Variants in ST3GAL4 observed in about 807,000 individuals in gnomAD.
ST3GAL4 encodes ST3 beta-galactoside alpha-2,3-sialyltransferase 4, also known as CMP-N-acetylneuraminate-beta-galactosamide-alpha-2,3-sialyltransferase 4.
In ST3GAL4, 24 loss-of-function variants were observed where a neutral mutation model predicts 42.6. The observed-to-expected ratio is 0.56, with a 90% CI of 0.41 to 0.79. ST3GAL4 has a LOEUF of 0.79. ST3GAL4 is among the 30% of genes least tolerant of loss of function. The pLI is 0.00. For missense variants in ST3GAL4, 311 were observed against 430.8 expected, an observed-to-expected ratio of 0.72 and a Z score of 2.46; for synonymous variants, 135 against 163.2, an observed-to-expected ratio of 0.83 and a Z score of 1.32.
chr11:126,386,247 C>G lies in ST3GAL4; in HGVS notation c.-60-19849C>G, dbSNP rs931494604. On this transcript the variant is annotated intron_variant, in intron 1 of 10. Transcript: ENST00000444328. The surrounding 1 kb of genome is among the most constrained non-coding windows in gnomAD (Gnocchi z 4.7). ...AGTGGTCCTGTGGTTGTCATTGCCCCGTCATCTCCACCATTTCCTGTTTGC... is the reference window on the plus strand; with the variant it reads ...AGTGGTCCTGTGGTTGTCATTGCCCGGTCATCTCCACCATTTCCTGTTTGC... Among the ~76,000 whole-genome samples the G allele has an allele frequency of 6.6e-6, 1 of 152,174 alleles. No homozygotes were observed. The highest frequency in any genetic ancestry group is 1.5e-5 in the Non-Finnish European group (1 of 68,028).
At position 126,392,405 on chromosome 11, in the gene ST3GAL4, C is replaced by T; in HGVS notation, c.-60-13691C>T. On this transcript the variant is annotated intron_variant, in intron 1 of 10. Transcript: ENST00000444328. The surrounding 1 kb of genome is among the most constrained non-coding windows in gnomAD (Gnocchi z 5.8). ...TGACAACCTCCAGTTCTGCAGAAGC[C>T]ACTTCATTTGCCTGGGGATAAAGCA... 1.0e-6 allele frequency: 1 copy of T among 983,338 alleles called. No individual in the cohort carries two copies. The highest frequency in any genetic ancestry group is 1.2e-6 in the Non-Finnish European group (1 of 827,620). The allele number at this position is 983,338 out of a possible 1,614,324, so 60.9% of individuals were successfully genotyped here.
chr11:126,391,102 G>A lies in ST3GAL4; in HGVS notation c.-60-14994G>A, dbSNP rs182630884. ...TTCATCCACTGATGGACGCTTGGGG[G>A]TTGCTTCCACATTAGCTATTGCAAA... On this transcript the variant is annotated intron_variant, in intron 1 of 10. Transcript: ENST00000444328. The surrounding 1 kb of genome is among the most constrained non-coding windows in gnomAD (Gnocchi z 5.5). Among the ~76,000 whole-genome samples, 2 of 152,280 alleles carry A rather than the reference G, an allele frequency of 1.3e-5. No individual in the cohort carries two copies. The highest frequency in any genetic ancestry group is 2.4e-5 in the African/African-American group (1 of 41,558).
Position 126,384,734 on chromosome 11 carries a change from T to G in ST3GAL4, c.-60-21362T>G. ...GCCACCACACCCCAGCAGCATCTCCTGAGGCTGGGCCATGGGTGAATCTGA... is the reference window on the plus strand; with the variant it reads ...GCCACCACACCCCAGCAGCATCTCCGGAGGCTGGGCCATGGGTGAATCTGA... On this transcript the variant is annotated intron_variant, in intron 1 of 10. Coordinates refer to ENST00000444328, the MANE Select transcript of ST3GAL4 (RefSeq NM_001254757.2). This position sits in a 1 kb window ranked among gnomAD's most constrained non-coding sequence, Gnocchi z 5.5. 3 of 985,354 alleles carry G rather than the reference T, an allele frequency of 3.0e-6. No individual in the cohort carries two copies. Among genetic ancestry groups the G allele is most frequent in the African/African-American group, 1.7e-5 (1 of 57,346 alleles). The allele number at this position is 985,354 out of a possible 1,614,324, so 61.0% of individuals were successfully genotyped here.
chr11:126,385,633 A>G (rs531447760), intron 1 of ST3GAL4, among the ~76,000 whole-genome samples: 1 of 152,296 alleles, frequency 6.6e-6, no homozygotes, highest in African/African-American at 2.4e-5. Flanking sequence ...GTAAATGAGA[A>G]TGAAAGAGTA....
At position 126,396,383 on chromosome 11, in the gene ST3GAL4, G is replaced by A. The variant is rs1392452132; in HGVS notation, c.-60-9713G>A. On this transcript the variant is annotated intron_variant, in intron 1 of 10. Coordinates refer to ENST00000444328, the MANE Select transcript of ST3GAL4 (RefSeq NM_001254757.2). The surrounding 1 kb of genome is among the most constrained non-coding windows in gnomAD (Gnocchi z 5.8). ...CCTACAGCGGAGAGAGTCAGTCCAT[G>A]CCAGTGGTGGGATGTGGCTGCAAAA... Among the ~76,000 whole-genome samples the A allele has an allele frequency of 6.6e-6, 1 of 152,050 alleles. No homozygotes were observed. The highest frequency in any genetic ancestry group is 1.5e-5 in the Non-Finnish European group (1 of 68,030).
chr11:126,406,229 A>G lies in ST3GAL4; in HGVS notation c.16+58A>G. ...AGGACAGGCCTCAGAAGCCGTCTTC[A>G]GCAGGATCCTGGGACCTCTGGGGGC... On this transcript the variant is annotated intron_variant, in intron 2 of 10. Transcript: ENST00000444328. The surrounding 1 kb of genome is among the most constrained non-coding windows in gnomAD (Gnocchi z 5.4). 1 of 1,552,334 alleles carries G rather than the reference A, an allele frequency of 6.4e-7. No homozygotes were observed. The highest frequency in any genetic ancestry group is 2.0e-4 in the Middle Eastern group (1 of 4,960).
intron 9 of ST3GAL4, chr11:126,413,266 C>T: frequency 2.3e-6 from 1 of 428,262 alleles, no homozygotes; most frequent in Non-Finnish European, 4.1e-6. Context: ...CACTACTGCA[C>T]CCAGCACATG....
chr11:126,413,515 C>T lies in ST3GAL4; in HGVS notation c.782C>T (p.Thr261Met), dbSNP rs1954620453. 5.0e-6 allele frequency: 8 copies of T among 1,614,132 alleles called. No individual in the cohort carries two copies. The highest frequency in any genetic ancestry group is 5.9e-6 in the Non-Finnish European group (7 of 1,180,012). The part of the protein sequence containing the change: ...QPRKIKQKPT[T>M]GLLAITLALH... ...GCCCCTGTTCCTCAGAAGCCCACCACGGGCCTGTTGGCCATCACGCTGGCC... is the reference window on the plus strand; with the variant it reads ...GCCCCTGTTCCTCAGAAGCCCACCATGGGCCTGTTGGCCATCACGCTGGCC... Residue 261 changes from threonine to methionine, a missense_variant, in exon 10 of 11, where the codon ACG becomes ATG. Coordinates refer to ENST00000444328, the MANE Select transcript of ST3GAL4 (RefSeq NM_001254757.2).
intron 1 of ST3GAL4, among the ~76,000 whole-genome samples, chr11:126,374,833 C>T (rs1251292228): frequency 5.9e-5 from 9 of 152,018 alleles, no homozygotes; most frequent in Admixed American, 1.3e-4. Flanking sequence ...GAGTGTTGAT[C>T]GGGTGGATTC....
At position 126,409,190 on chromosome 11, in the gene ST3GAL4, G is replaced by A. The variant is rs1344368274; in HGVS notation, c.628-78G>A. On this transcript the variant is annotated intron_variant, in intron 8 of 10. Transcript: ENST00000444328. This position sits in a 1 kb window ranked among gnomAD's most constrained non-coding sequence, Gnocchi z 4.9. ...GCCATCGCTTGGACCCCCTCGCCTC[G>A]CTGAGGACCACTGGGTTGGATTTGA... is the stretch of plus-strand genomic sequence containing the variant. 8.9e-6 allele frequency: 14 copies of A among 1,574,820 alleles called. No homozygotes were observed. Among genetic ancestry groups the A allele is most frequent in the Admixed American group, 5.1e-5 (3 of 58,254 alleles).
At chr11:126,403,443 T>C in intron 1 of ST3GAL4, 2 of 985,426 alleles carry the variant, frequency 2.0e-6, no homozygotes, top group Non-Finnish European at 2.4e-6. Flanking sequence ...ATGAGCTCTT[T>C]GTAGTGTTTC....
chr11:126,357,324 C>T (rs898216890), intron 1 of ST3GAL4, among the ~76,000 whole-genome samples: 2 of 152,214 alleles, frequency 1.3e-5, no homozygotes, highest in African/African-American at 4.8e-5. Context: ...CCAGATCCCC[C>T]AGACTCCAAG....
At chr11:126,362,038 C>T (rs1028387865) in intron 1 of ST3GAL4, among the ~76,000 whole-genome samples, 2 of 151,426 alleles carry the variant, frequency 1.3e-5, no homozygotes, top group Non-Finnish European at 2.9e-5. Flanking sequence ...TGTGCCACTA[C>T]TCCTGGCTAA....
In ST3GAL4 at chr11:126,373,972, G is replaced by A. The variant is rs1270362851; in HGVS notation, c.-61+18130G>A. Among the ~76,000 whole-genome samples the A allele has an allele frequency of 2.0e-5, 3 of 152,116 alleles. No homozygotes were observed. Among genetic ancestry groups the A allele is most frequent in the South Asian group, 2.1e-4 (1 of 4,826 alleles). On this transcript the variant is annotated intron_variant, in intron 1 of 10. Transcript: ENST00000444328. This position sits in a 1 kb window ranked among gnomAD's most constrained non-coding sequence, Gnocchi z 5.5. ...CACCTGCACTGGAGCGATGCTATCC[G>A]ATGAACAGATCCATTTATTAATTCA...
chr11:126,405,118 A>AT (rs1357969355), intron 1 of ST3GAL4, among the ~76,000 whole-genome samples: 3 of 152,208 alleles, frequency 2.0e-5, no homozygotes, highest in Non-Finnish European at 4.4e-5. Flanking sequence ...CGTGAAATGT[A>AT]TTTTTAGGAA....
chr11:126,404,801 T>C (rs921653629), intron 1 of ST3GAL4, among the ~76,000 whole-genome samples: 1 of 152,224 alleles, frequency 6.6e-6, no homozygotes, highest in African/African-American at 2.4e-5. Flanking sequence ...GACTCAAGAC[T>C]CTGATCCTTC....
At position 126,413,647 on chromosome 11, in the gene ST3GAL4, C is replaced by A; in HGVS notation, c.914C>A (p.Ala305Glu). The change falls in exon 10 of 11, where the codon GCG (alanine) becomes GAG (glutamate). Residue 305 changes from alanine to glutamate, a missense_variant and splice_region_variant. By Grantham distance (107) the Ala-to-Glu change is moderately radical (BLOSUM62 -1). Transcript: ENST00000444328. ...YYEQITLKSM[A>E]GSGHNVSQEA... ...GAGCAGATCACGCTCAAGTCCATGG[C>A]GGTAAGTGCCTGGCTTGTGAGCATG... 2.5e-6 allele frequency: 4 copies of A among 1,614,022 alleles called. No homozygotes were observed. Among genetic ancestry groups the A allele is most frequent in the South Asian group, 2.2e-5 (2 of 91,078 alleles).
Position 126,398,105 on chromosome 11 carries a change from A to C in ST3GAL4, c.-60-7991A>C, listed in dbSNP as rs1416736290. On this transcript the variant is annotated intron_variant, in intron 1 of 10. Transcript: ENST00000444328. This position sits in a 1 kb window ranked among gnomAD's most constrained non-coding sequence, Gnocchi z 4.7. ...GTTTCAGCACCACATTAAAAGTCCA[A>C]AGTCCACAGTCTCATCTAAGTCAGC... Among the ~76,000 whole-genome samples the C allele has an allele frequency of 6.6e-6, 1 of 152,214 alleles. No homozygotes were observed. Among genetic ancestry groups the C allele is most frequent in the African/African-American group, 2.4e-5 (1 of 41,448 alleles).
At chr11:126,369,148 T>C (rs534501213) in intron 1 of ST3GAL4, among the ~76,000 whole-genome samples, 17 of 152,324 alleles carry the variant, frequency 1.1e-4, no homozygotes, top group African/African-American at 3.8e-4. Flanking sequence ...GTTCTAGGGC[T>C]TGAGATCAGC....
Sources: allele counts gnomAD v4.1 joint callset (sites outside exome capture counted in the v4.1 genomes callset), GRCh38; gene constraint gnomAD v4.1.1; non-coding constraint Gnocchi (gnomAD v3.1); transcripts MANE v1.5; gene names NCBI Gene and HGNC (gene_info 2026-07-23, HGNC 2026-07-21).